SYT13: variants seen among roughly 807,000 people sequenced by gnomAD.
SYT13 encodes synaptotagmin 13.
SYT13 carries 21 observed loss-of-function variants against 38.6 expected under a neutral mutation model. The observed-to-expected ratio is 0.54, with a 90% CI of 0.39 to 0.78. SYT13 has a LOEUF of 0.78. Among genes scored for constraint, SYT13 ranks in the 30% least tolerant of loss-of-function variants. SYT13 has a pLI of 0.00. For missense variants in SYT13, 495 were observed against 548.7 expected, an observed-to-expected ratio of 0.90 and a Z score of 0.98; for synonymous variants, 241 against 237.6, an observed-to-expected ratio of 1.01 and a Z score of -0.13.
chr11:45,269,494 T>C, intron 1 of SYT13: 1 of 1,287,214 alleles, frequency 7.8e-7, no homozygotes, highest in South Asian at 1.2e-5. Flanking sequence ...GTAAACTTCA[T>C]ATGTAACAGA....
chr11:45,250,001 G>A (rs1854653877), intron 4 of SYT13, among the ~76,000 whole-genome samples: 1 of 152,132 alleles, frequency 6.6e-6, no homozygotes, highest in Non-Finnish European at 1.5e-5. Context: ...TGGGCACCGT[G>A]GGCAAGTCTG....
At position 45,262,468 on chromosome 11, in the gene SYT13, G is replaced by A. The variant is rs145350119; in HGVS notation, c.184-6577C>T. Among the ~76,000 whole-genome samples, 876 of 152,248 alleles carry A rather than the reference G, an allele frequency of 5.8e-3. 8 individuals are homozygous for A. The highest frequency in any genetic ancestry group is 0.02 in the African/African-American group (847 of 41,524). On this transcript the variant is annotated intron_variant, in intron 1 of 5. Transcript: ENST00000020926. ...AGGCTGGGCGCGGTGGCTCATGCCT[G>A]TACTCTCAGTACTTTGGGAGGCTGA...
intron 1 of SYT13, among the ~76,000 whole-genome samples, chr11:45,258,997 G>T (rs886751982): frequency 4.6e-5 from 7 of 152,194 alleles, no homozygotes; most frequent in African/African-American, 1.4e-4. Context: ...CAAGTGGTAT[G>T]TATCATCCAG....
intron 1 of SYT13, among the ~76,000 whole-genome samples, chr11:45,263,472 G>A (rs990704116): frequency 3.9e-5 from 6 of 152,176 alleles, no homozygotes; most frequent in African/African-American, 1.4e-4. Context: ...GGTTGCAGGT[G>A]GGGGAAGCAG....
chr11:45,267,076 T>C (rs1854891818), intron 1 of SYT13, among the ~76,000 whole-genome samples: 2 of 152,202 alleles, frequency 1.3e-5, no homozygotes, highest in African/African-American at 2.4e-5. Context: ...ATAATAACCT[T>C]ATAGGAAGTA....
At chr11:45,281,131 G>T (rs1255645130) in intron 1 of SYT13, among the ~76,000 whole-genome samples, 4 of 152,100 alleles carry the variant, frequency 2.6e-5, no homozygotes, top group African/African-American at 9.7e-5. Flanking sequence ...AGGAGGCAGA[G>T]GTTGCAGTCA....
intron 1 of SYT13, among the ~76,000 whole-genome samples, chr11:45,267,637 T>A (rs562838044): frequency 5.6e-4 from 84 of 151,292 alleles, no homozygotes; most frequent in African/African-American, 1.9e-3. Flanking sequence ...TCCGCTCAGC[T>A]CCCCCCGGCA....
Position 45,240,740 on chromosome 11 carries a change from A to G in SYT13, c.*3312T>C, listed in dbSNP as rs1239166243. On this transcript the variant is annotated 3_prime_UTR_variant, in exon 6 of 6. Coordinates refer to ENST00000020926, the MANE Select transcript of SYT13 (RefSeq NM_020826.3). ...AATGAGGGCAGACTCCCGATTTTCT[A>G]TCCCCGTAGAAATCTCTGAAGAAAG... 1 of 152,264 alleles carries G rather than the reference A, an allele frequency of 6.6e-6. No individual in the cohort carries two copies. The highest frequency in any genetic ancestry group is 2.4e-5 in the African/African-American group (1 of 41,468). 9.4% of individuals were successfully genotyped at this position (152,264 alleles called of 1,614,324 possible). A position where few individuals can be genotyped will look rare whatever the true frequency, so the allele number is the denominator to read the frequency against.
At chr11:45,247,635 G>C (rs974861027) in intron 4 of SYT13, among the ~76,000 whole-genome samples, 1 of 152,172 alleles carries the variant, frequency 6.6e-6, no homozygotes, top group African/African-American at 2.4e-5. Context: ...GTCACACCCA[G>C]GATGTCTGTT....
intron 5 of SYT13, among the ~76,000 whole-genome samples, chr11:45,244,752 A>C (rs11823121): frequency 0.029 from 4,360 of 152,306 alleles, 221 homozygotes; most frequent in African/African-American, 0.099. Flanking sequence ...GTGGGGATGC[A>C]GCAGAAGTTC....
At chr11:45,271,909 G>T (rs1030289374) in intron 1 of SYT13, among the ~76,000 whole-genome samples, 13 of 152,196 alleles carry the variant, frequency 8.5e-5, no homozygotes, top group Admixed American at 3.3e-4. Context: ...GTTTATTGCA[G>T]CACTGTTCAC....
intron 2 of SYT13, 143 bp downstream of exon 2, chr11:45,255,523 A>T: frequency 1.4e-6 from 1 of 722,082 alleles, no homozygotes; most frequent in South Asian, 1.9e-5. Context: ...CATAATTCTG[A>T]GGCCCAGTGC....
intron 1 of SYT13, chr11:45,269,477 C>A (rs755370223): frequency 2.3e-6 from 3 of 1,285,912 alleles, no homozygotes; most frequent in East Asian, 1.1e-4. Context: ...CTTTGGCCAC[C>A]ACCTCTGTAA....
At chr11:45,264,108 G>A (rs1316208995) in intron 1 of SYT13, among the ~76,000 whole-genome samples, 1 of 152,150 alleles carries the variant, frequency 6.6e-6, no homozygotes, top group African/African-American at 2.4e-5. Flanking sequence ...GATAAATATA[G>A]ACATTGAGTG....
intron 4 of SYT13, among the ~76,000 whole-genome samples, chr11:45,249,080 A>G (rs1346253859): frequency 6.6e-6 from 1 of 152,368 alleles, no homozygotes. Flanking sequence ...CCCCATCAAA[A>G]AGTGGGCAAA....
At chr11:45,262,770 A>ACAC (rs752434675) in intron 1 of SYT13, among the ~76,000 whole-genome samples, 8,179 of 75,676 alleles carry the variant, frequency 0.11, 576 homozygotes, top group Middle Eastern at 0.15. Flanking sequence ...CACACACACA[A>ACAC]ATTGAACTGT....
chr11:45,240,904 ACAGGCT>A lies in SYT13; in HGVS notation c.*3142_*3147del. 1 of 152,368 alleles carries A rather than the reference ACAGGCT, an allele frequency of 6.6e-6. No individual in the cohort carries two copies. Among genetic ancestry groups the A allele is most frequent in the East Asian group, 1.9e-4 (1 of 5,190 alleles). The allele number at this position is 152,368 out of a possible 1,614,324, so 9.4% of individuals were successfully genotyped here. A position where few individuals can be genotyped will look rare whatever the true frequency, so the allele number is the denominator to read the frequency against. ...TTTCGAAAATGATGAGATACTTCAC[ACAGGCT>A]CAGTTACTATAATTTGATAGTAAAT... On this transcript the variant is annotated 3_prime_UTR_variant, in exon 6 of 6. Transcript: ENST00000020926.
At chr11:45,273,323 C>T (rs1355955038) in intron 1 of SYT13, among the ~76,000 whole-genome samples, 2 of 152,140 alleles carry the variant, frequency 1.3e-5, no homozygotes, top group African/African-American at 4.8e-5. Context: ...AGGCACCTAG[C>T]AGGGAGGGAG....
At chr11:45,250,677 G>C (rs954306720) in intron 4 of SYT13, among the ~76,000 whole-genome samples, 2 of 152,212 alleles carry the variant, frequency 1.3e-5, no homozygotes, top group African/African-American at 4.8e-5. Flanking sequence ...TGGAACAGCT[G>C]AGTTCCATCT....
Sources: allele counts gnomAD v4.1 joint callset (sites outside exome capture counted in the v4.1 genomes callset), GRCh38; gene constraint gnomAD v4.1.1; transcripts MANE v1.5; gene names NCBI Gene and HGNC (gene_info 2026-07-23, HGNC 2026-07-21).